UNC5C: variants seen among roughly 807,000 people sequenced by gnomAD.
UNC5C encodes the protein unc-5 netrin receptor C, also known as netrin receptor UNC5C.
Under a neutral mutation model 99.8 loss-of-function variants are expected in UNC5C, and 47 were observed. That is an observed-to-expected ratio of 0.47 (90% CI 0.37 to 0.60). The LOEUF is 0.60. Ranked by LOEUF, UNC5C falls within the 20% of genes least tolerant of loss-of-function variation. The pLI is 0.00. For synonymous variants in UNC5C, 487 were observed against 452.2 expected, an observed-to-expected ratio of 1.08 and a Z score of -0.98; for missense variants, 1,062 against 1,165.9, an observed-to-expected ratio of 0.91 and a Z score of 1.30.
At chr4:95,447,311 T>C (rs1203116500) in intron 1 of UNC5C, among the ~76,000 whole-genome samples, 1 of 152,150 alleles carries the variant, frequency 6.6e-6, no homozygotes, top group Non-Finnish European at 1.5e-5. Flanking sequence ...ATTGAGCACT[T>C]TATATGTATC....
intron 4 of UNC5C, among the ~76,000 whole-genome samples, chr4:95,258,987 T>C (rs1740118697): frequency 6.6e-6 from 1 of 151,224 alleles, no homozygotes; most frequent in Non-Finnish European, 1.5e-5. Context: ...GGTCTCGATC[T>C]CCTGACCTCA....
intron 2 of UNC5C, among the ~76,000 whole-genome samples, chr4:95,307,313 A>T (rs2149406457): frequency 6.6e-6 from 1 of 152,246 alleles, no homozygotes; most frequent in African/African-American, 2.4e-5. Flanking sequence ...TATTCTATGC[A>T]AGTGGGAATT....
At position 95,182,936 on chromosome 4, in the gene UNC5C, T is replaced by C. The variant is rs771814310; in HGVS notation, c.2412A>G (p.Gly804=). ...AGTTGAGCTGGAAGATCTGCCCTTC[T>C]CCTTCCACCTGCCGCACACAGAGTT... ...VCKLCVRQVE[G]EGQIFQLNCT... The change falls in exon 14 of 16, where the codon GGA becomes GGG. Residue 804 remains glycine, a synonymous_variant. Transcript: ENST00000453304. 2 of 1,613,910 alleles carry C rather than the reference T, an allele frequency of 1.2e-6. No individual in the cohort carries two copies. The highest frequency in any genetic ancestry group is 1.7e-6 in the Non-Finnish European group (2 of 1,179,848).
chr4:95,171,376 C>T (rs1736097581), intron 14 of UNC5C, among the ~76,000 whole-genome samples: 1 of 144,072 alleles, frequency 6.9e-6, no homozygotes, highest in Non-Finnish European at 1.5e-5. Context: ...AATGCTATCC[C>T]TCCCCCCTCC....
intron 10 of UNC5C, among the ~76,000 whole-genome samples, chr4:95,209,333 TTG>T (rs1737995647): frequency 6.6e-6 from 1 of 152,200 alleles, no homozygotes; most frequent in Non-Finnish European, 1.5e-5. Context: ...ACAAGTAAGT[TTG>T]TATCTTAGAG....
At chr4:95,492,384 T>C (rs955878373) in intron 1 of UNC5C, among the ~76,000 whole-genome samples, 1 of 151,366 alleles carries the variant, frequency 6.6e-6, no homozygotes, top group African/African-American at 2.4e-5. Context: ...TGTTTCTGCT[T>C]CCTGTTAAAA....
chr4:95,281,724 A>T (rs1741066546), intron 3 of UNC5C, among the ~76,000 whole-genome samples: 1 of 152,210 alleles, frequency 6.6e-6, no homozygotes, highest in Admixed American at 6.5e-5. Context: ...ATGGGCAGGG[A>T]AGCAGAGAGA....
chr4:95,188,847 T>C (rs1158707086), intron 12 of UNC5C, among the ~76,000 whole-genome samples: 1 of 152,188 alleles, frequency 6.6e-6, no homozygotes, highest in Non-Finnish European at 1.5e-5. Flanking sequence ...TAAGTCCCTG[T>C]CACTGCTTTA....
chr4:95,214,869 GC>G (rs1214407016), intron 10 of UNC5C, among the ~76,000 whole-genome samples: 4 of 152,208 alleles, frequency 2.6e-5, no homozygotes, highest in African/African-American at 9.7e-5. Flanking sequence ...AAAGAAGGGA[GC>G]TTTGAGGGCC....
chr4:95,283,494 C>A (rs925179380), intron 3 of UNC5C, among the ~76,000 whole-genome samples: 1 of 152,166 alleles, frequency 6.6e-6, no homozygotes, highest in Admixed American at 6.6e-5. Flanking sequence ...GCACAGAAGC[C>A]GCTCATTTCA....
chr4:95,467,650 C>T (rs1205777462), intron 1 of UNC5C, among the ~76,000 whole-genome samples: 1 of 152,064 alleles, frequency 6.6e-6, no homozygotes, highest in African/African-American at 2.4e-5. Flanking sequence ...CCAGGAAAGT[C>T]TCTTAGGAAG....
In UNC5C at chr4:95,209,230, G is replaced by A. The variant is rs150340606; in HGVS notation, c.1734-2434C>T. On this transcript the variant is annotated intron_variant, in intron 10 of 15. Coordinates refer to ENST00000453304, the MANE Select transcript of UNC5C (RefSeq NM_003728.4). ...TGATGGTACTCTGTATAATGCTATC[G>A]CTGTGGGTAATAAGCTGTCTGTTGT... Among the ~76,000 whole-genome samples, 403 of 152,262 alleles carry A rather than the reference G, an allele frequency of 2.6e-3. 1 individual carries two copies. The highest frequency in any genetic ancestry group is 0.012 in the South Asian group (59 of 4,830).
intron 1 of UNC5C, among the ~76,000 whole-genome samples, chr4:95,547,260 C>A (rs1723094667): frequency 6.6e-6 from 1 of 152,058 alleles, no homozygotes; most frequent in African/African-American, 2.4e-5. Flanking sequence ...ATGAGCAGGG[C>A]CACTTAGCAG....
intron 4 of UNC5C, among the ~76,000 whole-genome samples, chr4:95,262,818 AT>A (rs1303873502): frequency 1.3e-3 from 185 of 146,220 alleles, no homozygotes; most frequent in East Asian, 5.5e-3. Context: ...AAGTTTCCCT[AT>A]TTTTTTTTTT....
At chr4:95,301,332 A>C (rs1304802446) in intron 3 of UNC5C, among the ~76,000 whole-genome samples, 4 of 151,390 alleles carry the variant, frequency 2.6e-5, no homozygotes, top group Non-Finnish European at 5.9e-5. Flanking sequence ...AGTAACTGGG[A>C]CTACAGGCGC....
intron 1 of UNC5C, among the ~76,000 whole-genome samples, chr4:95,351,328 A>T (rs1387058023): frequency 1.2e-5 from 1 of 85,334 alleles, no homozygotes; most frequent in Non-Finnish European, 2.6e-5. Context: ...CTTTAGGGTT[A>T]GGCTTTTTTT....
At chr4:95,425,195 C>A (rs1007797116) in intron 1 of UNC5C, among the ~76,000 whole-genome samples, 1 of 152,174 alleles carries the variant, frequency 6.6e-6, no homozygotes, top group African/African-American at 2.4e-5. Flanking sequence ...CATAGGAAAT[C>A]TATTCTATAT....
chr4:95,295,504 T>C (rs556286035), intron 3 of UNC5C, among the ~76,000 whole-genome samples: 2 of 152,304 alleles, frequency 1.3e-5, no homozygotes, highest in East Asian at 1.9e-4. Context: ...TTTGAATGTG[T>C]GAAATATTGT....
chr4:95,432,857 A>C (rs890675844), intron 1 of UNC5C, among the ~76,000 whole-genome samples: 1 of 152,126 alleles, frequency 6.6e-6, no homozygotes, highest in Admixed American at 6.5e-5. Flanking sequence ...GCAACTCATC[A>C]AGGAAAAGAG....
Sources: allele counts gnomAD v4.1 joint callset (sites outside exome capture counted in the v4.1 genomes callset), GRCh38; gene constraint gnomAD v4.1.1; transcripts MANE v1.5; gene names NCBI Gene and HGNC (gene_info 2026-07-23, HGNC 2026-07-21).